Variants in NREP observed in about 807,000 individuals in gnomAD.
The protein encoded by NREP is neuronal regeneration related protein.
NREP carries 5 observed loss-of-function variants against 8.6 expected under a neutral mutation model. The observed-to-expected ratio is 0.58, with a 90% CI of 0.30 to 1.22. NREP has a LOEUF of 1.22. Among genes scored for constraint, NREP ranks in the 50% most tolerant of loss-of-function variants. The pLI is 0.07. For missense variants in NREP, 86 were observed against 82.5 expected (o/e 1.04, Z -0.17); for synonymous variants, 27 against 28.0 (o/e 0.96, Z 0.11).
chr5:111,940,046 G>A (rs1755788620), intron 2 of NREP: 1 of 151,954 alleles, frequency 6.6e-6, no homozygotes, highest in African/African-American at 2.4e-5. Flanking sequence ...GATTTACAGT[G>A]AAGAAGAAGA....
At chr5:111,757,574 G>A (rs1197027349), upstream of NREP, 32 of 984,300 alleles carry the variant, frequency 3.3e-5, no homozygotes, top group Non-Finnish European at 3.6e-5. Flanking sequence ...GGCAGGAATC[G>A]GCGGCTCTGG....
At chr5:111,793,358 G>A (rs754065080) in intron 2 of NREP, among the ~76,000 whole-genome samples, 5 of 152,134 alleles carry the variant, frequency 3.3e-5, no homozygotes, top group African/African-American at 1.2e-4. Flanking sequence ...GAGTCTGAAG[G>A]GGGAGGGGAG....
intron 2 of NREP, among the ~76,000 whole-genome samples, chr5:111,830,570 T>C (rs374952862): frequency 4.6e-5 from 7 of 152,344 alleles, no homozygotes; most frequent in African/African-American, 1.2e-4. Flanking sequence ...CAAACTTGAA[T>C]GTGAATGCAA....
At chr5:111,833,868 A>G (rs1470662299) in intron 2 of NREP, among the ~76,000 whole-genome samples, 1 of 152,224 alleles carries the variant, frequency 6.6e-6, no homozygotes, top group Non-Finnish European at 1.5e-5. Context: ...GTCTTTGAGC[A>G]GAGGCACTGA....
At chr5:111,901,369 T>A (rs909115159) in intron 2 of NREP, among the ~76,000 whole-genome samples, 13 of 152,094 alleles carry the variant, frequency 8.5e-5, no homozygotes, top group African/African-American at 3.1e-4. Flanking sequence ...ACAGCTAACA[T>A]CACACAGAAT....
intron 2 of NREP, among the ~76,000 whole-genome samples, chr5:111,813,911 G>C (rs1752324560): frequency 6.6e-6 from 1 of 151,970 alleles, no homozygotes; most frequent in African/African-American, 2.4e-5. Context: ...TGTGGAACCT[G>C]CTATCCTTTT....
chr5:111,762,317 C>A (rs1049337037), upstream of NREP, among the ~76,000 whole-genome samples: 1 of 152,074 alleles, frequency 6.6e-6, no homozygotes, highest in African/African-American at 2.4e-5. Context: ...ACACTGAGTT[C>A]AATTTTATAC....
intron 2 of NREP, among the ~76,000 whole-genome samples, chr5:111,794,612 T>G (rs548641158): frequency 7.2e-5 from 11 of 152,232 alleles, no homozygotes; most frequent in Admixed American, 2.0e-4. Context: ...CTACATGACA[T>G]TCTGGAGAAG....
At chr5:111,892,612 G>T (rs1055010012) in intron 2 of NREP, among the ~76,000 whole-genome samples, 3 of 149,186 alleles carry the variant, frequency 2.0e-5, no homozygotes, top group Admixed American at 1.3e-4. Flanking sequence ...TATATTTTTG[G>T]AAAAAAAACC....
intron 2 of NREP, among the ~76,000 whole-genome samples, chr5:111,863,848 T>C (rs1169632610): frequency 6.6e-6 from 1 of 152,146 alleles, no homozygotes; most frequent in Non-Finnish European, 1.5e-5. Context: ...TCACCTGGGA[T>C]CCTCAGTTCT....
chr5:111,903,925 T>C (rs1239948709), intron 2 of NREP, among the ~76,000 whole-genome samples: 1 of 152,182 alleles, frequency 6.6e-6, no homozygotes, highest in African/African-American at 2.4e-5. Flanking sequence ...TTTACTTTTT[T>C]AGAGTCAAAA....
chr5:111,954,108 C>CTATCTA (rs1380541280), intron 2 of NREP, among the ~76,000 whole-genome samples: 1 of 152,112 alleles, frequency 6.6e-6, no homozygotes, highest in South Asian at 2.1e-4. Flanking sequence ...CTCTCATGAT[C>CTATCTA]TATCTATATC....
chr5:111,960,739 C>A lies in NREP; in HGVS notation c.135+14535G>T, dbSNP rs189783479. Among the ~76,000 whole-genome samples the A allele has an allele frequency of 2.5e-3, 385 of 152,270 alleles. 1 individual carries two copies. Among genetic ancestry groups the A allele is most frequent in the African/African-American group, 9.0e-3 (374 of 41,556 alleles). On this transcript the variant is annotated intron_variant, in intron 2 of 3. Coordinates refer to the NREP transcript ENST00000395634. Reference sequence around the variant, plus strand: ...GATTTACACTTAACTCTGACTCATTCTCATTGTATCTAAACTTAAGTTTAC... The same window carrying A: ...GATTTACACTTAACTCTGACTCATTATCATTGTATCTAAACTTAAGTTTAC...
At chr5:111,757,883 C>G (rs1422624024), upstream of NREP, 1 of 983,904 alleles carries the variant, frequency 1.0e-6, no homozygotes, top group South Asian at 4.7e-5. Flanking sequence ...GGGTGCTGCA[C>G]AGCCCGGCGG....
At chr5:111,829,466 T>C (rs1427908739) in intron 2 of NREP, among the ~76,000 whole-genome samples, 5 of 152,140 alleles carry the variant, frequency 3.3e-5, no homozygotes, top group African/African-American at 1.2e-4. Flanking sequence ...ATAAAGACAA[T>C]GTAATGTGCC....
At chr5:111,920,807 G>C (rs931608407) in intron 2 of NREP, among the ~76,000 whole-genome samples, 1 of 152,114 alleles carries the variant, frequency 6.6e-6, no homozygotes, top group Admixed American at 6.6e-5. Flanking sequence ...CTACAAAGTG[G>C]ATGTGCCTGG....
chr5:111,789,408 G>A (rs2112891423), intron 2 of NREP, among the ~76,000 whole-genome samples: 1 of 152,262 alleles, frequency 6.6e-6, no homozygotes, highest in South Asian at 2.1e-4. Flanking sequence ...CCTAAATAGA[G>A]GCAGAGTAAA....
At chr5:111,851,900 TTAAAA>T (rs750491473) in intron 2 of NREP, among the ~76,000 whole-genome samples, 8 of 152,196 alleles carry the variant, frequency 5.3e-5, no homozygotes, top group Admixed American at 1.3e-4. Context: ...TTTTGTCAAC[TTAAAA>T]TAAAATGTTT....
At chr5:111,746,000 C>T (rs1384723901) in intron 2 of NREP, among the ~76,000 whole-genome samples, 3 of 152,018 alleles carry the variant, frequency 2.0e-5, no homozygotes, top group Non-Finnish European at 4.4e-5. Context: ...GTATTTGATC[C>T]TCATATTGCA....
Sources: gnomAD v4.1 joint callset for allele counts (sites outside exome capture counted in the v4.1 genomes callset) on GRCh38, gnomAD v4.1.1 for gene constraint, MANE v1.5 for transcripts, NCBI Gene and HGNC (gene_info 2026-07-23, HGNC 2026-07-21) for gene names.